The following IMMP2L variants were observed in gnomAD, a reference collection of about 807,000 sequenced individuals.
IMMP2L encodes the protein inner mitochondrial membrane peptidase subunit 2.
Under a neutral mutation model 19.3 loss-of-function variants are expected in IMMP2L, and 18 were observed. The ratio of observed to expected loss-of-function variants is 0.93; its 90% CI spans 0.64 to 1.38. The LOEUF (loss-of-function observed/expected upper bound fraction) is 1.38, where lower values mean the gene tolerates loss of function less well. Ranked by LOEUF, IMMP2L falls within the 40% of genes most tolerant of loss-of-function variation. The probability of loss-of-function intolerance (pLI) is 0.00; values close to 1 mark genes in which losing one functional copy is unlikely to be tolerated. For synonymous variants in IMMP2L, 76 were observed against 73.0 expected, an observed-to-expected ratio of 1.04 and a Z score of -0.21; for missense variants, 233 against 218.2, an observed-to-expected ratio of 1.07 and a Z score of -0.43.
intron 3 of IMMP2L, among the ~76,000 whole-genome samples, chr7:111,462,718 T>C (rs1312073850): frequency 6.6e-6 from 1 of 152,116 alleles, no homozygotes; most frequent in Non-Finnish European, 1.5e-5. Flanking sequence ...AACCCTATCA[T>C]GTCCACCTCT....
chr7:110,901,965 G>T lies in IMMP2L; in HGVS notation c.306-15270C>A, dbSNP rs573704478. The stretch of plus-strand genomic sequence containing the variant: ...TTTTACAGACTTTATAGACTGATTT[G>T]CATCAAAGCTATAAGACTATATGAA... On this transcript the variant is annotated intron_variant, in intron 4 of 5. Transcript: ENST00000405709. Among the ~76,000 whole-genome samples the T allele has an allele frequency of 1.3e-4, 20 of 152,022 alleles. No individual in the cohort carries two copies. The South Asian group carries it at 2.3e-3, about 17-fold the overall frequency.
At chr7:110,824,831 T>C (rs952641007) in intron 5 of IMMP2L, among the ~76,000 whole-genome samples, 3 of 152,146 alleles carry the variant, frequency 2.0e-5, no homozygotes, top group African/African-American at 7.2e-5. Flanking sequence ...CTTCCCATTT[T>C]ATCACACCAA....
chr7:111,090,625 A>G (rs1368146711), intron 3 of IMMP2L, among the ~76,000 whole-genome samples: 2 of 152,026 alleles, frequency 1.3e-5, no homozygotes, highest in Non-Finnish European at 2.9e-5. Context: ...AAAAAAAAAA[A>G]AAGTGTTATT....
chr7:110,753,315 A>C (rs1476113976), intron 5 of IMMP2L, among the ~76,000 whole-genome samples: 1 of 152,060 alleles, frequency 6.6e-6, no homozygotes, highest in Non-Finnish European at 1.5e-5. Context: ...AATAGAGGTA[A>C]GTATGGATGA....
chr7:111,148,787 A>G (rs1380507732), intron 3 of IMMP2L, among the ~76,000 whole-genome samples: 1 of 151,780 alleles, frequency 6.6e-6, no homozygotes, highest in Non-Finnish European at 1.5e-5. Context: ...TGTGTTACCA[A>G]ATGAGTATAT....
At chr7:111,446,229 T>C (rs966490242) in intron 3 of IMMP2L, among the ~76,000 whole-genome samples, 9 of 152,118 alleles carry the variant, frequency 5.9e-5, no homozygotes, top group Admixed American at 1.3e-4. Context: ...CCTGCCTGCC[T>C]CTGTAGGCTC....
chr7:111,276,842 A>G lies in IMMP2L; in HGVS notation c.239+210396T>C, dbSNP rs541412013. 2.2e-4 allele frequency among the ~76,000 whole-genome samples: 33 copies of G among 152,272 alleles called. 1 individual carries two copies. The South Asian group carries it at 5.0e-3, about 23-fold the overall frequency. ...CCTACAACCAGCTGATTTTCAACAAAGTCAACAAAAATATACACTGGGGAA... is the reference window on the plus strand; with the variant it reads ...CCTACAACCAGCTGATTTTCAACAAGGTCAACAAAAATATACACTGGGGAA... On this transcript the variant is annotated intron_variant, in intron 3 of 5. Coordinates refer to ENST00000405709, the MANE Select transcript of IMMP2L (RefSeq NM_032549.4).
chr7:111,176,978 AATATACACTTC>A (rs1182172755), intron 3 of IMMP2L, among the ~76,000 whole-genome samples: 1 of 152,038 alleles, frequency 6.6e-6, no homozygotes, highest in Non-Finnish European at 1.5e-5. Context: ...TTTCTTCCTG[AATATACACTTC>A]ATTGGATGAA....
At chr7:111,533,415 T>G (rs1008814091) in intron 1 of IMMP2L, among the ~76,000 whole-genome samples, 3 of 152,176 alleles carry the variant, frequency 2.0e-5, no homozygotes, top group African/African-American at 7.2e-5. Context: ...GAATCAGAAC[T>G]ACAAAGCTGA....
intron 3 of IMMP2L, among the ~76,000 whole-genome samples, chr7:111,101,484 G>C (rs1797968477): frequency 1.3e-5 from 2 of 151,414 alleles, no homozygotes; most frequent in Middle Eastern, 6.8e-3. Flanking sequence ...CAGAATTATT[G>C]GGTTAAGATT....
chr7:111,387,878 A>G, intron 3 of IMMP2L, among the ~76,000 whole-genome samples: 1 of 147,396 alleles, frequency 6.8e-6, no homozygotes, highest in Non-Finnish European at 1.5e-5. Flanking sequence ...CAGGAGGTTG[A>G]GGCAGGGGAA....
At chr7:110,865,158 T>C (rs1807854885) in intron 5 of IMMP2L, among the ~76,000 whole-genome samples, 1 of 152,002 alleles carries the variant, frequency 6.6e-6, no homozygotes, top group African/African-American at 2.4e-5. Flanking sequence ...ATTATACGTG[T>C]CAGGAAGCGC....
At chr7:111,432,157 A>G (rs940064638) in intron 3 of IMMP2L, among the ~76,000 whole-genome samples, 5 of 151,636 alleles carry the variant, frequency 3.3e-5, no homozygotes, top group African/African-American at 9.8e-5. Flanking sequence ...ATCTGACACT[A>G]TCTCCAGGTA....
intron 3 of IMMP2L, among the ~76,000 whole-genome samples, chr7:111,129,595 G>C (rs1349576217): frequency 1.3e-5 from 2 of 151,996 alleles, no homozygotes; most frequent in African/African-American, 2.4e-5. Flanking sequence ...TGCTAACTAG[G>C]TCGTTGCTTG....
At chr7:111,031,711 T>G (rs1293551941) in intron 3 of IMMP2L, among the ~76,000 whole-genome samples, 1 of 152,130 alleles carries the variant, frequency 6.6e-6, no homozygotes, top group Non-Finnish European at 1.5e-5. Context: ...GAGTGTGGGC[T>G]GCTCATAGTG....
At chr7:111,529,859 A>C (rs1168399777) in intron 1 of IMMP2L, among the ~76,000 whole-genome samples, 1 of 152,208 alleles carries the variant, frequency 6.6e-6, no homozygotes, top group Admixed American at 6.5e-5. Flanking sequence ...ATGAATTTGA[A>C]GGTCATGCTC....
intron 3 of IMMP2L, among the ~76,000 whole-genome samples, chr7:111,006,347 C>G (rs1348222328): frequency 6.6e-6 from 1 of 152,046 alleles, no homozygotes; most frequent in Non-Finnish European, 1.5e-5. Context: ...ACATTTATAT[C>G]ATATTATTTG....
chr7:111,504,299 C>G (rs1844639179), intron 2 of IMMP2L, among the ~76,000 whole-genome samples: 2 of 152,092 alleles, frequency 1.3e-5, no homozygotes, highest in Non-Finnish European at 2.9e-5. Context: ...GAACTACAAA[C>G]CACTGCTCAA....
At chr7:111,350,608 T>C (rs1828052899) in intron 3 of IMMP2L, among the ~76,000 whole-genome samples, 1 of 152,086 alleles carries the variant, frequency 6.6e-6, no homozygotes, top group South Asian at 2.1e-4. Flanking sequence ...ATAGCAGCTT[T>C]TATCTGAAGT....
Sources: gnomAD v4.1 joint callset for allele counts (sites outside exome capture counted in the v4.1 genomes callset) on GRCh38, gnomAD v4.1.1 for gene constraint, MANE v1.5 for transcripts, NCBI Gene and HGNC (gene_info 2026-07-23, HGNC 2026-07-21) for gene names.